The following KDR variants were observed in gnomAD, a reference collection of about 807,000 sequenced individuals.
The protein encoded by KDR is kinase insert domain receptor, also known as vascular endothelial growth factor receptor 2.
Under a neutral mutation model 160.9 loss-of-function variants are expected in KDR, and 43 were observed. The observed-to-expected ratio is 0.27, with a 90% CI of 0.21 to 0.34. The LOEUF (loss-of-function observed/expected upper bound fraction) is 0.34. KDR is among the 10% of genes least tolerant of loss of function. The pLI is 1.00. For missense variants in KDR, 1,469 were observed against 1,666.4 expected, an observed-to-expected ratio of 0.88 and a Z score of 2.06; for synonymous variants, 617 against 600.1, an observed-to-expected ratio of 1.03 and a Z score of -0.41.
At chr4:55,089,635 C>A (rs1438180878) in intron 24 of KDR, 56 bp downstream of exon 24, 1 of 1,513,210 alleles carries the variant, frequency 6.6e-7, no homozygotes, top group Non-Finnish European at 9.2e-7. Flanking sequence ...GAGGAAAAGA[C>A]AACTTTTGTC....
intron 15 of KDR, among the ~76,000 whole-genome samples, chr4:55,100,144 CG>C (rs1314703662): frequency 1.3e-5 from 2 of 152,168 alleles, no homozygotes; most frequent in Non-Finnish European, 2.9e-5. Flanking sequence ...ACAAGCTGTG[CG>C]GATGGCCCAC....
At chr4:55,116,895 C>T (rs187267583) in intron 3 of KDR, among the ~76,000 whole-genome samples, 19 of 152,282 alleles carry the variant, frequency 1.2e-4, no homozygotes, top group African/African-American at 3.9e-4. Flanking sequence ...GTTTCCTTTC[C>T]CATTGTTTAA....
At chr4:55,094,464 TG>T (rs1345807627) in intron 21 of KDR, among the ~76,000 whole-genome samples, 3 of 152,160 alleles carry the variant, frequency 2.0e-5, no homozygotes, top group Non-Finnish European at 4.4e-5. Context: ...TCCAAGGCAA[TG>T]GAGAGGCTAG....
intron 3 of KDR, among the ~76,000 whole-genome samples, chr4:55,116,974 T>C (rs1316849079): frequency 1.3e-5 from 2 of 152,146 alleles, no homozygotes; most frequent in Non-Finnish European, 2.9e-5. Flanking sequence ...CAGAATTTAA[T>C]GGTATACCCA....
chr4:55,095,690 A>C, intron 19 of KDR, 25 bp from the exon 20 acceptor site: 1 of 1,577,314 alleles, frequency 6.3e-7, no homozygotes. Context: ...TCCAGGAAGG[A>C]AAATGGGTTT....
chr4:55,089,278 G>T, intron 25 of KDR, 96 bp downstream of exon 25: 1 of 849,986 alleles, frequency 1.2e-6, no homozygotes, highest in East Asian at 2.6e-5. Context: ...GACACTAACT[G>T]GGCAATGAAG....
intron 2 of KDR, among the ~76,000 whole-genome samples, chr4:55,119,867 A>G (rs997626130): frequency 8.5e-5 from 13 of 152,204 alleles, no homozygotes; most frequent in African/African-American, 3.1e-4. Context: ...AGAAGAATGT[A>G]ACATTATTGG....
At chr4:55,107,330 G>T (rs544193688) in intron 10 of KDR, among the ~76,000 whole-genome samples, 97 of 152,266 alleles carry the variant, frequency 6.4e-4, no homozygotes, top group African/African-American at 2.2e-3. Flanking sequence ...AGACCCTGAG[G>T]ACTGGGGCTG....
chr4:55,111,699 A>T (rs2034966), intron 7 of KDR, among the ~76,000 whole-genome samples: 37,223 of 152,156 alleles, frequency 0.24, 4,946 homozygotes, highest in African/African-American at 0.35. Context: ...TGACAAGTGC[A>T]TCTTGGCAAG....
In KDR at chr4:55,110,777, A is replaced by C; in HGVS notation, c.977-9T>G. ...AGCAACAAAAGGTTTTTCTGGAAGA[A>C]AATAAAAAAAAAAAAAGGTCAACTT... is the stretch of plus-strand genomic sequence containing the variant. On this transcript the variant is annotated splice_polypyrimidine_tract_variant and intron_variant, in intron 7 of 29. Coordinates refer to ENST00000263923, the MANE Select transcript of KDR (RefSeq NM_002253.4). The C allele has an allele frequency of 6.5e-7, 1 of 1,527,070 alleles. No homozygotes were observed. Among genetic ancestry groups the C allele is most frequent in the South Asian group, 1.1e-5 (1 of 88,094 alleles). The allele number at this position is 1,527,070 out of a possible 1,614,324, so 94.6% of individuals were successfully genotyped here. A position where few individuals can be genotyped will look rare whatever the true frequency, so the allele number is the denominator to read the frequency against.
At chr4:55,112,637 T>C (rs1170793636) in intron 7 of KDR, among the ~76,000 whole-genome samples, 5 of 151,100 alleles carry the variant, frequency 3.3e-5, no homozygotes, top group African/African-American at 1.2e-4. Flanking sequence ...CAAGCAATTC[T>C]CCTGCCTCAG....
In KDR at chr4:55,080,142, G is replaced by C; in HGVS notation, c.3870C>G (p.Ser1290Arg). The C allele has an allele frequency of 1.2e-6, 2 of 1,613,402 alleles. No individual in the cohort carries two copies. Among genetic ancestry groups the C allele is most frequent in the African/African-American group, 1.3e-5 (1 of 75,028 alleles). ...PSFGGMVPSKSRESVASEGSN... is the reference protein window; with the variant it reads ...PSFGGMVPSKRRESVASEGSN... Reference sequence around the variant, plus strand: ...AGCCTTCAGATGCCACAGACTCCCTGCTTTTGCTGGGCACCATTCCACTGC... The same window carrying C: ...AGCCTTCAGATGCCACAGACTCCCTCCTTTTGCTGGGCACCATTCCACTGC... Residue 1290 changes from serine (S) to arginine (R), a missense_variant, in exon 30 of 30, where the codon AGC becomes AGG. Around this residue, in one of 7 missense-constraint regions of KDR, gnomAD observed 229 missense variants for 197.8 expected, o/e 1.16. Transcript: ENST00000263923.
Position 55,121,181 on chromosome 4 carries a change from C to A in KDR, c.77G>T (p.Ser26Ile). 1 of 1,612,258 alleles carries A rather than the reference C, an allele frequency of 6.2e-7. No homozygotes were observed. Among genetic ancestry groups the A allele is most frequent in the Admixed American group, 1.7e-5 (1 of 60,012 alleles). The change falls in exon 2 of 30, where the codon AGT becomes ATT. Residue 26 changes from serine to isoleucine, a missense_variant. Physicochemically the swap from Ser to Ile is moderately radical, Grantham distance 142 (BLOSUM62 -2). Coordinates refer to ENST00000263923, the MANE Select transcript of KDR (RefSeq NM_002253.4). Reference sequence around the variant, plus strand: ...GAGCCTGGGCAGATCAAGAGAAACACTAGGCAAACCTAGAAACAAATTAAA... The same window carrying A: ...GAGCCTGGGCAGATCAAGAGAAACAATAGGCAAACCTAGAAACAAATTAAA... The part of the protein sequence containing the change: ...ETRAASVGLP[S>I]VSLDLPRLSI...
chr4:55,092,435 C>A, intron 22 of KDR, 182 bp downstream of exon 22: 1 of 629,876 alleles, frequency 1.6e-6, no homozygotes, highest in South Asian at 1.7e-5. Context: ...AGCTTAATTT[C>A]ATGAACTCCT....
chr4:55,110,030 AAGG>A (rs1203168256), intron 9 of KDR, among the ~76,000 whole-genome samples: 4 of 152,312 alleles, frequency 2.6e-5, no homozygotes, highest in Non-Finnish European at 5.9e-5. Flanking sequence ...CACAAAATCT[AAGG>A]AGAAGGGTCT....
Position 55,104,903 on chromosome 4 carries a change from G to T in KDR, c.1727C>A (p.Ser576Tyr), listed in dbSNP as rs2110023298. 6.2e-7 allele frequency: 1 copy of T among 1,613,940 alleles called. No homozygotes were observed. Among genetic ancestry groups the T allele is most frequent in the East Asian group, 2.2e-5 (1 of 44,870 alleles). Residue 576 changes from serine to tyrosine, a missense_variant, in exon 13 of 30, where the codon TCT becomes TAT. Coordinates refer to ENST00000263923, the MANE Select transcript of KDR (RefSeq NM_002253.4). ...SVSLWCTADR[S>Y]TFENLTWYKL... ...GTACCATGTGAGGTTCTCAAACGTA[G>T]ATCTGTCTGCAGTGCACCACAAAGA...
At position 55,101,996 on chromosome 4, in the gene KDR, T is replaced by A. The variant is rs2110020712; in HGVS notation, c.2167A>T (p.Thr723Ser). Reference protein sequence around the residue: ...IVLKDGNRNLTIRRVRKEDEG... With the variant: ...IVLKDGNRNLSIRRVRKEDEG... ...TCCTCCTTCCTCACTCTGCGGATAGTGAGGTTCCGGTTCCCATCCTTCAAT... is the reference window on the plus strand; with the variant it reads ...TCCTCCTTCCTCACTCTGCGGATAGAGAGGTTCCGGTTCCCATCCTTCAAT... Residue 723 changes from threonine (T) to serine (S), a missense_variant, in exon 15 of 30, where the codon ACT becomes TCT. Transcript: ENST00000263923. 1.2e-6 allele frequency: 2 copies of A among 1,613,636 alleles called. No homozygotes were observed. Among genetic ancestry groups the A allele is most frequent in the Non-Finnish European group, 1.7e-6 (2 of 1,179,680 alleles).
intron 22 of KDR, 113 bp downstream of exon 22, chr4:55,092,504 A>G (rs1720043824): frequency 1.3e-6 from 1 of 786,774 alleles, no homozygotes; most frequent in Non-Finnish European, 2.2e-6. Context: ...TAAAAGACGT[A>G]GAAGTGGTGA....
chr4:55,111,127 C>T (rs1720572426), intron 7 of KDR, among the ~76,000 whole-genome samples: 1 of 152,190 alleles, frequency 6.6e-6, no homozygotes, highest in South Asian at 2.1e-4. Context: ...ACACCTCTTC[C>T]ACCATGAGGC....
Sources: gnomAD v4.1 joint callset for allele counts (sites outside exome capture counted in the v4.1 genomes callset) on GRCh38, gnomAD v4.1.1 for gene constraint, gnomAD v4.1.1 regional missense constraint, MANE v1.5 for transcripts, NCBI Gene and HGNC (gene_info 2026-07-23, HGNC 2026-07-21) for gene names.